PACS1: variants seen among roughly 807,000 people sequenced by gnomAD.
PACS1 encodes the protein PACS-1.
PACS1 carries 24 observed loss-of-function variants against 115.0 expected under a neutral mutation model. The observed-to-expected ratio is 0.21, with a 90% CI of 0.15 to 0.29. PACS1 has a LOEUF of 0.29. Among genes scored for constraint, PACS1 ranks in the 10% least tolerant of loss-of-function variants. PACS1 has a pLI of 1.00. For synonymous variants in PACS1, 453 were observed against 504.5 expected, an observed-to-expected ratio of 0.90 and a Z score of 1.37; for missense variants, 838 against 1,251.2, an observed-to-expected ratio of 0.67 and a Z score of 4.98.
chr11:66,211,435 A>C (rs1263857040), intron 4 of PACS1, among the ~76,000 whole-genome samples, 176 bp downstream of exon 4: 1 of 152,232 alleles, frequency 6.6e-6, no homozygotes, highest in Non-Finnish European at 1.5e-5. Flanking sequence ...TTTTTATCAA[A>C]TACTGTCTCC....
intron 1 of PACS1, among the ~76,000 whole-genome samples, chr11:66,160,018 A>G (rs1324924701): frequency 6.6e-6 from 1 of 152,174 alleles, no homozygotes; most frequent in Non-Finnish European, 1.5e-5. Context: ...TAGTATATTT[A>G]TATTGAATGG....
chr11:66,081,884 G>A (rs771441253), intron 1 of PACS1, among the ~76,000 whole-genome samples: 6 of 152,108 alleles, frequency 3.9e-5, no homozygotes, highest in Admixed American at 6.5e-5. Flanking sequence ...GTCTTTTTAA[G>A]TTTTCCTTTT....
At chr11:66,151,697 A>G (rs780951455) in intron 1 of PACS1, among the ~76,000 whole-genome samples, 1 of 152,246 alleles carries the variant, frequency 6.6e-6, no homozygotes, top group Non-Finnish European at 1.5e-5. Context: ...ATCTACAATT[A>G]CTAGACATGT....
chr11:66,138,328 C>G (rs1858895640), intron 1 of PACS1, among the ~76,000 whole-genome samples: 1 of 152,012 alleles, frequency 6.6e-6, no homozygotes, highest in South Asian at 2.1e-4. Flanking sequence ...AATCCTGTCC[C>G]CAAGCAACCA....
rs192968583 is a variant in PACS1 at position 66,114,233 on chromosome 11, A to T, written c.356+43391A>T. 3.0e-3 allele frequency among the ~76,000 whole-genome samples: 462 copies of T among 152,162 alleles called. 2 individuals carry two copies. The highest frequency in any genetic ancestry group is 0.01 in the African/African-American group (434 of 41,514). On this transcript the variant is annotated intron_variant, in intron 1 of 23. Transcript: ENST00000320580. ...AGAGATCGAGACCATCCTGGCTAACACGGTGAAACCCCGTCTCTACTAAAA... is the reference window on the plus strand; with the variant it reads ...AGAGATCGAGACCATCCTGGCTAACTCGGTGAAACCCCGTCTCTACTAAAA...
At chr11:66,099,293 T>C (rs1857857968) in intron 1 of PACS1, among the ~76,000 whole-genome samples, 2 of 152,084 alleles carry the variant, frequency 1.3e-5, no homozygotes, top group African/African-American at 4.8e-5. Context: ...GCACAATCTC[T>C]GGTCACTACA....
At chr11:66,142,352 A>C (rs1403919123) in intron 1 of PACS1, among the ~76,000 whole-genome samples, 3 of 152,048 alleles carry the variant, frequency 2.0e-5, no homozygotes, top group Non-Finnish European at 4.4e-5. Context: ...AAGGTCTCAC[A>C]CTGTCGCCCA....
intron 1 of PACS1, among the ~76,000 whole-genome samples, chr11:66,174,445 G>C (rs933774148): frequency 1.3e-5 from 2 of 152,138 alleles, no homozygotes; most frequent in Non-Finnish European, 2.9e-5. Flanking sequence ...AGAAATGAAA[G>C]CTGGGTCCAA....
intron 2 of PACS1, among the ~76,000 whole-genome samples, chr11:66,195,500 T>A (rs1423482870): frequency 6.6e-6 from 1 of 152,190 alleles, no homozygotes; most frequent in Non-Finnish European, 1.5e-5. Context: ...CCGACACCAT[T>A]GGGGTGGTTT....
intron 1 of PACS1, among the ~76,000 whole-genome samples, chr11:66,072,867 C>T (rs1251943160): frequency 1.3e-5 from 2 of 152,232 alleles, no homozygotes; most frequent in Non-Finnish European, 1.5e-5. Flanking sequence ...CAAGGAGCTG[C>T]AGCAGAGGGG....
chr11:66,121,127 A>G (rs889743737), intron 1 of PACS1: 11 of 451,132 alleles, frequency 2.4e-5, no homozygotes, highest in Non-Finnish European at 4.0e-5. Flanking sequence ...TCTGTGTCAC[A>G]TTTTGGTAAT....
intron 1 of PACS1, among the ~76,000 whole-genome samples, chr11:66,101,500 A>G (rs11227408): frequency 0.044 from 6,660 of 152,252 alleles, 220 homozygotes; most frequent in Middle Eastern, 0.095. Context: ...GATGCTGCAC[A>G]TACTCTGTTT....
At chr11:66,238,655 C>A in intron 19 of PACS1, 149 bp from the exon 20 acceptor site, 1 of 744,692 alleles carries the variant, frequency 1.3e-6, no homozygotes, top group Non-Finnish European at 2.3e-6. Context: ...CATAAGCCAC[C>A]ACGCCCAGCC....
intron 1 of PACS1, among the ~76,000 whole-genome samples, chr11:66,072,008 C>A (rs999851946): frequency 3.9e-5 from 6 of 152,240 alleles, no homozygotes; most frequent in Admixed American, 3.9e-4. Flanking sequence ...CTCCCCTCTT[C>A]CTTCTACAAA....
At chr11:66,073,454 T>C (rs1183453235) in intron 1 of PACS1, among the ~76,000 whole-genome samples, 1 of 152,192 alleles carries the variant, frequency 6.6e-6, no homozygotes, top group African/African-American at 2.4e-5. Context: ...GTCATGGGAT[T>C]TGGTCTCTTA....
At chr11:66,109,403 A>G (rs1247869302) in intron 1 of PACS1, among the ~76,000 whole-genome samples, 1 of 152,158 alleles carries the variant, frequency 6.6e-6, no homozygotes, top group African/African-American at 2.4e-5. Flanking sequence ...ATTTTAACAA[A>G]AAGTAAAAGA....
chr11:66,172,773 C>T (rs987812960), intron 1 of PACS1, among the ~76,000 whole-genome samples: 7 of 152,032 alleles, frequency 4.6e-5, no homozygotes, highest in African/African-American at 1.7e-4. Flanking sequence ...GTCAAGAGAT[C>T]GAGACCATCC....
chr11:66,229,965 A>G (rs1264487906), intron 11 of PACS1, among the ~76,000 whole-genome samples: 1 of 151,610 alleles, frequency 6.6e-6, no homozygotes, highest in Non-Finnish European at 1.5e-5. Flanking sequence ...CCCAAAAAAA[A>G]AAAAAGTGAT....
At chr11:66,129,003 G>T (rs1858641968) in intron 1 of PACS1, among the ~76,000 whole-genome samples, 1 of 152,106 alleles carries the variant, frequency 6.6e-6, no homozygotes, top group African/African-American at 2.4e-5. Flanking sequence ...TGGGGTGATG[G>T]GAATGATCTG....
Sources: gnomAD v4.1 joint callset for allele counts (sites outside exome capture counted in the v4.1 genomes callset) on GRCh38, gnomAD v4.1.1 for gene constraint, MANE v1.5 for transcripts, NCBI Gene and HGNC (gene_info 2026-07-23, HGNC 2026-07-21) for gene names.